Variants in ATG7 observed in about 807,000 individuals in gnomAD.
ATG7 encodes the protein autophagy related 7, also known as ubiquitin-like modifier-activating enzyme ATG7.
A neutral mutation model predicts 82.4 loss-of-function variants in ATG7; 70 were observed. The ratio of observed to expected loss-of-function variants is 0.85; its 90% confidence interval spans 0.70 to 1.04. The LOEUF is 1.04. ATG7 is among the 50% of genes least tolerant of loss of function. The pLI is 0.00. For missense variants in ATG7, 792 were observed against 864.3 expected, an observed-to-expected ratio of 0.92 and a Z score of 1.05; for synonymous variants, 287 against 313.0, an observed-to-expected ratio of 0.92 and a Z score of 0.88.
At chr3:11,492,419 G>A (rs1486436348) in intron 20 of ATG7, among the ~76,000 whole-genome samples, 2 of 152,188 alleles carry the variant, frequency 1.3e-5, no homozygotes, top group East Asian at 1.9e-4. Context: ...GAAATCACCC[G>A]TCTTCTGTGT....
At chr3:11,505,950 C>T (rs2091680976) in intron 20 of ATG7, among the ~76,000 whole-genome samples, 2 of 152,092 alleles carry the variant, frequency 1.3e-5, no homozygotes, top group African/African-American at 2.4e-5. Flanking sequence ...TCACTAAGCC[C>T]CTTTGAGAGC....
chr3:11,364,152 C>A (rs2076448863), intron 17 of ATG7, among the ~76,000 whole-genome samples: 1 of 152,228 alleles, frequency 6.6e-6, no homozygotes, highest in East Asian at 1.9e-4. Context: ...TGTATTAGTT[C>A]TGCCCAATTC....
At chr3:11,503,496 C>T (rs548875862) in intron 20 of ATG7, among the ~76,000 whole-genome samples, 157 of 152,140 alleles carry the variant, frequency 1.0e-3, no homozygotes, top group African/African-American at 3.5e-3. Context: ...CAGTGGCTCA[C>T]GCCTGTAATC....
intron 19 of ATG7, among the ~76,000 whole-genome samples, chr3:11,410,573 C>T (rs1376826675): frequency 6.6e-6 from 1 of 152,116 alleles, no homozygotes; most frequent in East Asian, 1.9e-4. Context: ...ACTCTATAAC[C>T]ATCAAACAAT....
chr3:11,418,057 C>T (rs1009356586), intron 19 of ATG7, among the ~76,000 whole-genome samples: 2 of 151,268 alleles, frequency 1.3e-5, no homozygotes, highest in Non-Finnish European at 2.9e-5. Context: ...GTTATCCACC[C>T]GCCTCGGCCT....
intron 16 of ATG7, 146 bp downstream of exon 16, chr3:11,360,930 A>G: frequency 1.1e-6 from 1 of 917,676 alleles, no homozygotes; most frequent in Non-Finnish European, 1.6e-6. Context: ...GGATGGCATT[A>G]TCTCATTATG....
At position 11,313,294 on chromosome 3, in the gene ATG7, T is replaced by C. The variant is rs1948943029; in HGVS notation, c.412-10T>C. On this transcript the variant is annotated splice_polypyrimidine_tract_variant and intron_variant, in intron 7 of 20. Coordinates refer to ENST00000693202, the MANE Select transcript of ATG7 (RefSeq NM_001349232.2). ...CTATTCTAATAACTTATTTATACTT[T>C]TTTTTCTAGGATCTAAAGAAGTACC... The C allele has an allele frequency of 6.4e-7, 1 of 1,552,978 alleles. No individual in the cohort carries two copies. The highest frequency in any genetic ancestry group is 8.8e-7 in the Non-Finnish European group (1 of 1,132,240).
At chr3:11,359,040 A>C (rs974843766) in intron 15 of ATG7, among the ~76,000 whole-genome samples, 3 of 152,192 alleles carry the variant, frequency 2.0e-5, no homozygotes, top group Non-Finnish European at 4.4e-5. Flanking sequence ...ATAAGATAGA[A>C]AATGCCACAT....
chr3:11,495,656 C>T (rs1371196139), intron 20 of ATG7, among the ~76,000 whole-genome samples: 1 of 93,368 alleles, frequency 1.1e-5, no homozygotes, highest in African/African-American at 4.9e-5. Context: ...TTTCACATTT[C>T]TCCTAATGCT....
intron 18 of ATG7, among the ~76,000 whole-genome samples, chr3:11,366,562 T>C (rs1026123083): frequency 6.6e-6 from 1 of 152,236 alleles, no homozygotes; most frequent in East Asian, 1.9e-4. Flanking sequence ...GTCTCCCGCC[T>C]TCTTCTGACC....
At chr3:11,368,730 C>G (rs1471781752) in intron 18 of ATG7, among the ~76,000 whole-genome samples, 1 of 111,442 alleles carries the variant, frequency 9.0e-6, no homozygotes, top group Non-Finnish European at 2.0e-5. Flanking sequence ...AGAGGGAGTC[C>G]CTGTCTCAAA....
chr3:11,415,852 T>A (rs2081331021), intron 19 of ATG7, among the ~76,000 whole-genome samples: 1 of 152,188 alleles, frequency 6.6e-6, no homozygotes, highest in Non-Finnish European at 1.5e-5. Context: ...ATAACATAGT[T>A]GATTATCAAG....
chr3:11,276,478 G>A (rs1247395151), intron 1 of ATG7, among the ~76,000 whole-genome samples: 1 of 152,096 alleles, frequency 6.6e-6, no homozygotes, highest in African/African-American at 2.4e-5. Context: ...GCTGCACCCT[G>A]TCACACCTCT....
chr3:11,440,030 T>C (rs2083733052), intron 20 of ATG7, among the ~76,000 whole-genome samples: 1 of 152,180 alleles, frequency 6.6e-6, no homozygotes, highest in Non-Finnish European at 1.5e-5. Flanking sequence ...AAGAAGTGCA[T>C]AGGGTGATGC....
chr3:11,425,690 C>CA (rs147200054), intron 19 of ATG7, among the ~76,000 whole-genome samples: 55 of 151,498 alleles, frequency 3.6e-4, no homozygotes, highest in East Asian at 1.6e-3. Context: ...AACATATATC[C>CA]AAAAAAAACA....
At chr3:11,540,733 C>T (rs1656933352) in intron 20 of ATG7, among the ~76,000 whole-genome samples, 1 of 151,814 alleles carries the variant, frequency 6.6e-6, no homozygotes, top group Admixed American at 6.6e-5. Flanking sequence ...CTTGCCTTTT[C>T]ATTTTCTTGA....
intron 20 of ATG7, among the ~76,000 whole-genome samples, chr3:11,432,381 T>C (rs911284206): frequency 1.3e-5 from 2 of 152,118 alleles, no homozygotes; most frequent in African/African-American, 4.8e-5. Context: ...TAATCTCAAG[T>C]TATAGATTAA....
chr3:11,482,563 C>G (rs768724248), intron 20 of ATG7, among the ~76,000 whole-genome samples: 1 of 152,144 alleles, frequency 6.6e-6, no homozygotes, highest in Non-Finnish European at 1.5e-5. Flanking sequence ...GTCTAGGGTA[C>G]AGTTGGGCCT....
chr3:11,329,669 T>A (rs191056272), intron 9 of ATG7, among the ~76,000 whole-genome samples: 78 of 152,312 alleles, frequency 5.1e-4, no homozygotes, highest in Non-Finnish European at 9.1e-4. Context: ...TTGGGATAAT[T>A]TTAGATTTAC....
Sources: allele counts gnomAD v4.1 joint callset (sites outside exome capture counted in the v4.1 genomes callset), GRCh38; gene constraint gnomAD v4.1.1; transcripts MANE v1.5; gene names NCBI Gene and HGNC (gene_info 2026-07-23, HGNC 2026-07-21).